The following SORCS1 variants were observed in gnomAD, a reference collection of about 807,000 sequenced individuals.
SORCS1 encodes the protein sortilin related VPS10 domain containing receptor 1.
Under a neutral mutation model 146.1 loss-of-function variants are expected in SORCS1, and 60 were observed. The ratio of observed to expected loss-of-function variants is 0.41; its 90% confidence interval spans 0.33 to 0.51. The LOEUF is 0.51. Ranked by LOEUF, SORCS1 falls within the 20% of genes least tolerant of loss-of-function variation. SORCS1 has a pLI of 0.21. For missense variants in SORCS1, 1,352 were observed against 1,487.6 expected (o/e 0.91, Z 1.50); for synonymous variants, 637 against 584.0 (o/e 1.09, Z -1.31).
At chr10:107,032,107 T>C (rs1338057619) in intron 1 of SORCS1, among the ~76,000 whole-genome samples, 1 of 152,206 alleles carries the variant, frequency 6.6e-6, no homozygotes, top group Non-Finnish European at 1.5e-5. Flanking sequence ...TCTGTGGGAC[T>C]AAGACTCTGA....
intron 1 of SORCS1, among the ~76,000 whole-genome samples, chr10:107,066,510 C>T (rs1961869987): frequency 6.6e-6 from 1 of 152,140 alleles, no homozygotes; most frequent in Non-Finnish European, 1.5e-5. Context: ...AAGCCGCCAT[C>T]TGCTACAAGG....
chr10:106,831,206 A>T (rs760295924), intron 2 of SORCS1, among the ~76,000 whole-genome samples: 33 of 152,206 alleles, frequency 2.2e-4, no homozygotes, highest in East Asian at 7.7e-4. Flanking sequence ...CATCTCAAAA[A>T]AAATAAATAA....
chr10:106,587,922 T>C (rs2133247143), intron 24 of SORCS1, among the ~76,000 whole-genome samples: 1 of 152,330 alleles, frequency 6.6e-6, no homozygotes, highest in African/African-American at 2.4e-5. Context: ...TTACCATTTT[T>C]ATAATGTGCG....
chr10:107,050,838 G>GA (rs1032354242), intron 1 of SORCS1, among the ~76,000 whole-genome samples: 5 of 152,222 alleles, frequency 3.3e-5, no homozygotes, highest in Non-Finnish European at 7.4e-5. Context: ...AGAGTGGGCT[G>GA]AATTTTCCCA....
chr10:107,139,080 A>C (rs774645965), intron 1 of SORCS1, among the ~76,000 whole-genome samples: 8 of 152,168 alleles, frequency 5.3e-5, no homozygotes, highest in Non-Finnish European at 1.0e-4. Context: ...CTATCTCCCT[A>C]ATGATGTGCT....
Position 107,021,164 on chromosome 10 carries a change from G to A in SORCS1, c.559-64584C>T, listed in dbSNP as rs184577823. Among the ~76,000 whole-genome samples, 49 of 152,174 alleles carry A rather than the reference G, an allele frequency of 3.2e-4. 2 individuals are homozygous for A. The highest frequency in any genetic ancestry group is 1.2e-3 in the African/African-American group (49 of 41,500). ...AAACTGTGTGTGTGTCCCTACAGTA[G>A]TTACACCTGGGAAGGAAGACCGGCT... is the stretch of plus-strand genomic sequence containing the variant. On this transcript the variant is annotated intron_variant, in intron 1 of 25. Transcript: ENST00000263054.
At chr10:106,972,714 T>G (rs1955838772) in intron 1 of SORCS1, among the ~76,000 whole-genome samples, 1 of 152,070 alleles carries the variant, frequency 6.6e-6, no homozygotes. Flanking sequence ...AGGTTTGAGT[T>G]GAATGCTTTA....
intron 4 of SORCS1, among the ~76,000 whole-genome samples, chr10:106,775,907 A>T (rs576120886): frequency 2.6e-5 from 4 of 152,364 alleles, no homozygotes; most frequent in African/African-American, 9.6e-5. Context: ...AGTACATAAT[A>T]TATATTATAG....
chr10:106,823,594 A>C (rs1352150390), intron 3 of SORCS1, among the ~76,000 whole-genome samples: 1 of 152,198 alleles, frequency 6.6e-6, no homozygotes, highest in Non-Finnish European at 1.5e-5. Flanking sequence ...AAGAATACAT[A>C]ACTGATTAAG....
chr10:107,051,879 T>C (rs938886106), intron 1 of SORCS1, among the ~76,000 whole-genome samples: 80 of 152,290 alleles, frequency 5.3e-4, no homozygotes, highest in African/African-American at 1.9e-3. Context: ...ATCCTCTTCC[T>C]GACTTAAGGA....
At chr10:106,787,649 T>C (rs1410474860) in intron 3 of SORCS1, among the ~76,000 whole-genome samples, 1 of 152,192 alleles carries the variant, frequency 6.6e-6, no homozygotes, top group African/African-American at 2.4e-5. Context: ...AAAAGTATTT[T>C]GTATGCAAAG....
chr10:106,692,538 T>C (rs1338209747), intron 9 of SORCS1, among the ~76,000 whole-genome samples: 1 of 152,206 alleles, frequency 6.6e-6, no homozygotes, highest in Non-Finnish European at 1.5e-5. Flanking sequence ...AAAATTGTGG[T>C]GGTGGCTGTG....
At chr10:106,794,596 G>A (rs1201250411) in intron 3 of SORCS1, among the ~76,000 whole-genome samples, 5 of 148,718 alleles carry the variant, frequency 3.4e-5, no homozygotes, top group African/African-American at 7.4e-5. Context: ...TGTGCCTCCC[G>A]GGTTCACGCC....
chr10:107,033,703 T>C (rs1958769581), intron 1 of SORCS1, among the ~76,000 whole-genome samples: 1 of 152,210 alleles, frequency 6.6e-6, no homozygotes, highest in East Asian at 1.9e-4. Context: ...CCATTAACAG[T>C]ATAAAGAAAG....
intron 19 of SORCS1, among the ~76,000 whole-genome samples, chr10:106,627,313 T>C (rs1362835319): frequency 1.3e-5 from 2 of 152,298 alleles, no homozygotes; most frequent in African/African-American, 2.4e-5. Context: ...TTACATGTGA[T>C]TGGACTACGG....
At chr10:106,754,225 A>G (rs1388091197) in intron 5 of SORCS1, among the ~76,000 whole-genome samples, 1 of 152,226 alleles carries the variant, frequency 6.6e-6, no homozygotes, top group East Asian at 1.9e-4. Flanking sequence ...GGAACAAGCA[A>G]GAAGTCCTTT....
chr10:106,988,350 G>A (rs56156628), intron 1 of SORCS1, among the ~76,000 whole-genome samples: 33,682 of 152,090 alleles, frequency 0.22, 4,507 homozygotes, highest in Middle Eastern at 0.33. Flanking sequence ...TAAGAAGGCT[G>A]GTGGATGAAA....
chr10:106,658,581 T>C (rs1850482741), intron 17 of SORCS1, among the ~76,000 whole-genome samples: 1 of 152,202 alleles, frequency 6.6e-6, no homozygotes, highest in Non-Finnish European at 1.5e-5. Context: ...CTAGGCTTAA[T>C]GAAGCAGGAA....
intron 3 of SORCS1, among the ~76,000 whole-genome samples, chr10:106,778,215 C>T (rs1467260706): frequency 1.3e-5 from 2 of 152,122 alleles, no homozygotes; most frequent in East Asian, 3.9e-4. Flanking sequence ...AGGTTCCTTG[C>T]TGTTCTTTCA....
Sources: gnomAD v4.1 joint callset for allele counts (sites outside exome capture counted in the v4.1 genomes callset) on GRCh38, gnomAD v4.1.1 for gene constraint, MANE v1.5 for transcripts, NCBI Gene and HGNC (gene_info 2026-07-23, HGNC 2026-07-21) for gene names.